FAM135B: variants seen among roughly 807,000 people sequenced by gnomAD.
FAM135B encodes protein FAM135B.
A neutral mutation model predicts 127.7 loss-of-function variants in FAM135B; 43 were observed. The observed-to-expected ratio is 0.34, with a 90% CI of 0.26 to 0.43. The LOEUF (loss-of-function observed/expected upper bound fraction) is 0.43. Ranked by LOEUF, FAM135B falls within the 20% of genes least tolerant of loss-of-function variation. The probability of loss-of-function intolerance (pLI) is 1.00; values close to 1 mark genes in which losing one functional copy is unlikely to be tolerated. For synonymous variants in FAM135B, 670 were observed against 665.1 expected, an observed-to-expected ratio of 1.01 and a Z score of -0.11; for missense variants, 1,558 against 1,725.6, an observed-to-expected ratio of 0.90 and a Z score of 1.72.
chr8:138,310,188 T>A (rs1826571864), intron 3 of FAM135B, among the ~76,000 whole-genome samples: 2 of 152,276 alleles, frequency 1.3e-5, no homozygotes, highest in Non-Finnish European at 2.9e-5. Context: ...CTTCTTAAGG[T>A]CTAGCTAGTC....
intron 2 of FAM135B, among the ~76,000 whole-genome samples, chr8:138,314,274 A>G (rs1236395960): frequency 4.6e-5 from 7 of 152,214 alleles, no homozygotes; most frequent in Non-Finnish European, 1.0e-4. Context: ...AGAGGCTCAC[A>G]GGAACCTAAC....
intron 2 of FAM135B, among the ~76,000 whole-genome samples, chr8:138,312,564 TC>T (rs1474933294): frequency 1.3e-5 from 2 of 152,034 alleles, no homozygotes; most frequent in Admixed American, 1.3e-4. Flanking sequence ...GCCCTCTCCC[TC>T]CAGCCGAAGG....
intron 1 of FAM135B, among the ~76,000 whole-genome samples, chr8:138,381,648 T>C (rs1421320304): frequency 1.3e-5 from 2 of 152,156 alleles, no homozygotes; most frequent in East Asian, 1.9e-4. Context: ...AAAATGCACA[T>C]ATGAATGACT....
chr8:138,381,485 T>C (rs1831854947), intron 1 of FAM135B, among the ~76,000 whole-genome samples: 2 of 152,160 alleles, frequency 1.3e-5, no homozygotes, highest in South Asian at 2.1e-4. Flanking sequence ...TAGGTTATGC[T>C]CTGAAAGCAT....
chr8:138,374,741 C>T lies in FAM135B; in HGVS notation c.-19-6739G>A, dbSNP rs149935754. Among the ~76,000 whole-genome samples the T allele has an allele frequency of 1.0e-3, 158 of 152,198 alleles. 1 individual carries two copies. Among genetic ancestry groups the T allele is most frequent in the African/African-American group, 3.6e-3 (150 of 41,538 alleles). ...CAAGTTCTTTGTCATTAGAGGTATCCGAAAAGGGGCTGTCCAAGAAAGCCC... is the reference window on the plus strand; with the variant it reads ...CAAGTTCTTTGTCATTAGAGGTATCTGAAAAGGGGCTGTCCAAGAAAGCCC... On this transcript the variant is annotated intron_variant, in intron 1 of 19. Coordinates refer to ENST00000395297, the MANE Select transcript of FAM135B (RefSeq NM_015912.4).
At chr8:138,235,885 G>A (rs149242449) in intron 7 of FAM135B, among the ~76,000 whole-genome samples, 82 of 152,278 alleles carry the variant, frequency 5.4e-4, no homozygotes, top group African/African-American at 1.9e-3. Context: ...GCACTCCTCT[G>A]TCTGGGAAAC....
intron 11 of FAM135B, among the ~76,000 whole-genome samples, chr8:138,175,757 CT>C (rs1297997225): frequency 6.6e-6 from 1 of 152,124 alleles, no homozygotes; most frequent in African/African-American, 2.4e-5. Flanking sequence ...TCTTATCTTG[CT>C]TTTTTCTTCC....
At chr8:138,230,968 T>C (rs2130204593) in intron 7 of FAM135B, among the ~76,000 whole-genome samples, 1 of 152,234 alleles carries the variant, frequency 6.6e-6, no homozygotes, top group Non-Finnish European at 1.5e-5. Context: ...TTACATGAAG[T>C]TACTTTTTCA....
Position 138,156,098 on chromosome 8 carries a change from C to T in FAM135B, c.1259-2882G>A, listed in dbSNP as rs1586628992. Reference sequence around the variant, plus strand: ...GAACAGAAATTATAACAAACTGTCTCTCAGACCATAGTGCAATCAAATTAG... The same window carrying T: ...GAACAGAAATTATAACAAACTGTCTTTCAGACCATAGTGCAATCAAATTAG... On this transcript the variant is annotated intron_variant, in intron 12 of 19. Transcript: ENST00000395297. Among the ~76,000 whole-genome samples, 3 of 152,204 alleles carry T rather than the reference C, an allele frequency of 2.0e-5. No homozygotes were observed. The South Asian group carries it at 6.2e-4, about 31-fold the overall frequency.
At chr8:138,411,205 A>G (rs1833842625) in intron 1 of FAM135B, among the ~76,000 whole-genome samples, 1 of 151,786 alleles carries the variant, frequency 6.6e-6, no homozygotes, top group Non-Finnish European at 1.5e-5. Context: ...CAAAAGAACA[A>G]AGCTGGAGGC....
chr8:138,206,343 ACAACTC>A (rs1586770231), intron 7 of FAM135B, among the ~76,000 whole-genome samples: 246 of 142,232 alleles, frequency 1.7e-3, no homozygotes, highest in Non-Finnish European at 2.5e-3. Context: ...CCACCTACCC[ACAACTC>A]CAGCATCCCC....
chr8:138,418,861 A>G (rs1374610450), intron 1 of FAM135B, among the ~76,000 whole-genome samples: 1 of 129,562 alleles, frequency 7.7e-6, no homozygotes, highest in Non-Finnish European at 1.6e-5. Context: ...CTAAACATAG[A>G]AAAAAAAAAC....
chr8:138,177,263 A>G, intron 11 of FAM135B, 84 bp downstream of exon 11: 1 of 1,266,630 alleles, frequency 7.9e-7, no homozygotes, highest in Non-Finnish European at 1.1e-6. Context: ...CTTCACTTCC[A>G]GTGAGAAAGT....
At chr8:138,178,347 TATGA>T (rs1324444493) in intron 10 of FAM135B, among the ~76,000 whole-genome samples, 184 bp downstream of exon 10, 22 of 152,302 alleles carry the variant, frequency 1.4e-4, no homozygotes, top group African/African-American at 5.1e-4. Flanking sequence ...GCAAGTATTC[TATGA>T]ATGACACAGC....
chr8:138,186,265 C>T (rs1357375250), intron 9 of FAM135B, among the ~76,000 whole-genome samples: 1 of 152,192 alleles, frequency 6.6e-6, no homozygotes, highest in East Asian at 1.9e-4. Context: ...GTAAGTCCTG[C>T]TTGGTATCTT....
Position 138,310,887 on chromosome 8 carries a change from A to G in FAM135B, c.111T>C (p.Ser37=). 6.2e-7 allele frequency: 1 copy of G among 1,613,856 alleles called. No homozygotes were observed. Among genetic ancestry groups the G allele is most frequent in the South Asian group, 1.1e-5 (1 of 90,928 alleles). ...CACTCAGTCTGTGGGGGATCCTTGA[A>G]GACACCTTCAAGGTCACTCGGATCT... is the stretch of plus-strand genomic sequence containing the variant. ...YYQIRVTLKV[S]SRIPHRLSAS... The change falls in exon 3 of 20, where the codon TCT becomes TCC. Residue 37 remains serine (S), a synonymous_variant. Coordinates refer to ENST00000395297, the MANE Select transcript of FAM135B (RefSeq NM_015912.4).
At chr8:138,344,777 G>A (rs1405975810) in intron 2 of FAM135B, among the ~76,000 whole-genome samples, 8 of 151,822 alleles carry the variant, frequency 5.3e-5, no homozygotes, top group East Asian at 3.9e-4. Context: ...GGGTTTCACC[G>A]TGTTAGCCAG....
chr8:138,488,118 G>A (rs142831993), intron 1 of FAM135B, among the ~76,000 whole-genome samples: 2 of 152,176 alleles, frequency 1.3e-5, no homozygotes, highest in Admixed American at 1.3e-4. Context: ...AGGTGCCCCT[G>A]AACTGGAAGG....
chr8:138,307,240 TCTC>T (rs1371626985), intron 3 of FAM135B, among the ~76,000 whole-genome samples: 1 of 152,114 alleles, frequency 6.6e-6, no homozygotes, highest in African/African-American at 2.4e-5. Context: ...AAAGAGGAGT[TCTC>T]CTATACAAAC....
Sources: gnomAD v4.1 joint callset for allele counts (sites outside exome capture counted in the v4.1 genomes callset) on GRCh38, gnomAD v4.1.1 for gene constraint, MANE v1.5 for transcripts, NCBI Gene and HGNC (gene_info 2026-07-23, HGNC 2026-07-21) for gene names.